Variants in PPP3CA observed in about 807,000 individuals in gnomAD.
PPP3CA encodes CAM-PRP catalytic subunit.
In PPP3CA, 14 loss-of-function variants were observed where a neutral mutation model predicts 66.5. The ratio of observed to expected loss-of-function variants is 0.21; its 90% CI spans 0.14 to 0.33. The LOEUF is 0.33. Ranked by LOEUF, PPP3CA falls within the 10% of genes least tolerant of loss-of-function variation. PPP3CA has a pLI of 1.00. For missense variants in PPP3CA, 317 were observed against 639.5 expected (o/e 0.50, Z 5.44); for synonymous variants, 232 against 226.2 (o/e 1.03, Z -0.23).
At chr4:101,272,679 T>G (rs1203605565) in intron 1 of PPP3CA, among the ~76,000 whole-genome samples, 1 of 152,192 alleles carries the variant, frequency 6.6e-6, no homozygotes, top group Non-Finnish European at 1.5e-5. Flanking sequence ...GTTATCTACC[T>G]CATGAGATTA....
intron 1 of PPP3CA, among the ~76,000 whole-genome samples, chr4:101,323,967 G>A (rs929765039): frequency 6.6e-6 from 1 of 152,068 alleles, no homozygotes; most frequent in African/African-American, 2.4e-5. Flanking sequence ...ACAAAAATTA[G>A]CCAGGAGTGG....
intron 10 of PPP3CA, among the ~76,000 whole-genome samples, chr4:101,058,339 A>G (rs1220306434): frequency 6.6e-6 from 1 of 152,176 alleles, no homozygotes; most frequent in African/African-American, 2.4e-5. Context: ...GTTCAGAAAG[A>G]TAAATAACTT....
In PPP3CA at chr4:101,093,814, G is replaced by A; in HGVS notation, c.744C>T (p.Phe248=). ...AACACCCCCTGACTGTGTTGTGAGTGAAATGTTCCTGAGTCTTCTCATTTC... is the reference window on the plus strand; with the variant it reads ...AACACCCCCTGACTGTGTTGTGAGTAAAATGTTCCTGAGTCTTCTCATTTC... ...DFGNEKTQEH[F]THNTVRGCSY... Residue 248 remains phenylalanine (F), a synonymous_variant, in exon 6 of 14, where the codon TTC becomes TTT. Coordinates refer to ENST00000394854, the MANE Select transcript of PPP3CA (RefSeq NM_000944.5). The A allele has an allele frequency of 6.2e-7, 1 of 1,613,296 alleles. No homozygotes were observed. Among genetic ancestry groups the A allele is most frequent in the Non-Finnish European group, 8.5e-7 (1 of 1,179,476 alleles).
chr4:101,282,112 C>T (rs934518022), intron 1 of PPP3CA, among the ~76,000 whole-genome samples: 1 of 152,134 alleles, frequency 6.6e-6, no homozygotes, highest in Non-Finnish European at 1.5e-5. Flanking sequence ...AAGTGACTTG[C>T]AGTTATTCTA....
At position 101,195,906 on chromosome 4, in the gene PPP3CA, C is replaced by A. The variant is rs781606054; in HGVS notation, c.259+10G>T. 1 of 1,612,856 alleles carries A rather than the reference C, an allele frequency of 6.2e-7. No individual in the cohort carries two copies. Among genetic ancestry groups the A allele is most frequent in the African/African-American group, 1.3e-5 (1 of 75,000 alleles). ...TATACAAGTGGGCAACCTCCCTCCT[C>A]AGGACTTACCAGTGACTGGCGCATC... On this transcript the variant is annotated intron_variant, in intron 2 of 13. Transcript: ENST00000394854.
intron 1 of PPP3CA, among the ~76,000 whole-genome samples, chr4:101,340,211 TTG>T (rs1729770420): frequency 6.6e-6 from 1 of 152,160 alleles, no homozygotes; most frequent in South Asian, 2.1e-4. Flanking sequence ...AAATTTCCAG[TTG>T]CAAGAGACAG....
intron 11 of PPP3CA, among the ~76,000 whole-genome samples, chr4:101,034,432 G>A (rs1480084635): frequency 6.6e-6 from 1 of 151,878 alleles, no homozygotes; most frequent in Non-Finnish European, 1.5e-5. Flanking sequence ...CTTGAAAAAC[G>A]ATACAGTGTG....
intron 8 of PPP3CA, among the ~76,000 whole-genome samples, chr4:101,069,053 G>A (rs957772701): frequency 2.0e-5 from 3 of 151,996 alleles, no homozygotes; most frequent in Non-Finnish European, 4.4e-5. Flanking sequence ...TATTTTTCAA[G>A]AGATGGGGTC....
chr4:101,144,020 C>G (rs1322912494), intron 2 of PPP3CA, among the ~76,000 whole-genome samples: 1 of 152,122 alleles, frequency 6.6e-6, no homozygotes, highest in South Asian at 2.1e-4. Flanking sequence ...TCTCTTTCCA[C>G]TCATCACCCT....
intron 1 of PPP3CA, among the ~76,000 whole-genome samples, chr4:101,200,402 T>C (rs999852163): frequency 1.3e-5 from 2 of 152,136 alleles, no homozygotes; most frequent in Non-Finnish European, 2.9e-5. Flanking sequence ...TTTACTTATA[T>C]GGTATCAATC....
chr4:101,150,459 A>G (rs573070589), intron 2 of PPP3CA, among the ~76,000 whole-genome samples: 20 of 152,334 alleles, frequency 1.3e-4, no homozygotes, highest in Admixed American at 1.1e-3. Flanking sequence ...TTTCTCATTC[A>G]TTAAATGAAG....
At chr4:101,205,348 T>TC (rs1340034843) in intron 1 of PPP3CA, among the ~76,000 whole-genome samples, 1 of 152,122 alleles carries the variant, frequency 6.6e-6, no homozygotes, top group African/African-American at 2.4e-5. Context: ...ATAATTAAGC[T>TC]CTGGGGTACA....
chr4:101,270,495 A>G (rs1347548348), intron 1 of PPP3CA, among the ~76,000 whole-genome samples: 1 of 152,202 alleles, frequency 6.6e-6, no homozygotes, highest in Non-Finnish European at 1.5e-5. Flanking sequence ...GACACTAAAA[A>G]TATGTTTAAA....
At chr4:101,172,617 TTTC>T (rs1185436014) in intron 2 of PPP3CA, among the ~76,000 whole-genome samples, 2 of 152,118 alleles carry the variant, frequency 1.3e-5, no homozygotes, top group Non-Finnish European at 2.9e-5. Flanking sequence ...TTCAGACTCC[TTTC>T]TAAGCACATG....
chr4:101,250,663 C>T (rs1345926238), intron 1 of PPP3CA, among the ~76,000 whole-genome samples: 1 of 152,008 alleles, frequency 6.6e-6, no homozygotes, highest in Non-Finnish European at 1.5e-5. Flanking sequence ...CTTTTACCCC[C>T]TAAATATTAA....
intron 1 of PPP3CA, among the ~76,000 whole-genome samples, chr4:101,238,590 T>C (rs1726200985): frequency 6.6e-6 from 1 of 152,038 alleles, no homozygotes; most frequent in Non-Finnish European, 1.5e-5. Context: ...TTTTCCTCCA[T>C]ACAAAGTACT....
chr4:101,127,819 A>T (rs557843344), intron 2 of PPP3CA, among the ~76,000 whole-genome samples: 1 of 152,362 alleles, frequency 6.6e-6, no homozygotes, highest in East Asian at 1.9e-4. Context: ...ATTTTGGATG[A>T]AATAGTTCAA....
intron 1 of PPP3CA, among the ~76,000 whole-genome samples, chr4:101,300,926 G>T (rs116054643): frequency 0.024 from 3,686 of 152,148 alleles, 149 homozygotes; most frequent in African/African-American, 0.079. Flanking sequence ...CTATCACTAT[G>T]TATAAATATT....
chr4:101,231,206 T>A (rs1725949883), intron 1 of PPP3CA, among the ~76,000 whole-genome samples: 1 of 151,686 alleles, frequency 6.6e-6, no homozygotes, highest in African/African-American at 2.4e-5. Context: ...TAAAAACTCC[T>A]GAGCACCAAG....
Sources: allele counts gnomAD v4.1 joint callset (sites outside exome capture counted in the v4.1 genomes callset), GRCh38; gene constraint gnomAD v4.1.1; transcripts MANE v1.5; gene names NCBI Gene and HGNC (gene_info 2026-07-23, HGNC 2026-07-21).